NTF3: variants seen among roughly 807,000 people sequenced by gnomAD.
NTF3 encodes the protein neurotrophin 3.
In NTF3, 8 loss-of-function variants were observed where a neutral mutation model predicts 26.3. The ratio of observed to expected loss-of-function variants is 0.30; its 90% CI spans 0.18 to 0.55. The LOEUF (loss-of-function observed/expected upper bound fraction) is 0.55, where lower values mean the gene tolerates loss of function less well. Ranked by LOEUF, NTF3 falls within the 20% of genes least tolerant of loss-of-function variation. NTF3 has a pLI of 0.93. For synonymous variants in NTF3, 154 were observed against 145.5 expected (o/e 1.06, Z -0.42); for missense variants, 276 against 352.9 (o/e 0.78, Z 1.75).
At chr12:5,443,444 G>C (rs1486846106) in intron 1 of NTF3, among the ~76,000 whole-genome samples, 3 of 152,156 alleles carry the variant, frequency 2.0e-5, no homozygotes, top group African/African-American at 7.2e-5. Context: ...TTCCCCAGGG[G>C]AGTTTTGGGT....
At chr12:5,470,716 C>G (rs1718000753) in intron 1 of NTF3, among the ~76,000 whole-genome samples, 2 of 152,208 alleles carry the variant, frequency 1.3e-5, no homozygotes, top group Admixed American at 1.3e-4. Context: ...TCTCCTTCCC[C>G]TCTGCTCGGC....
At chr12:5,439,474 C>A (rs1254326089) in intron 1 of NTF3, among the ~76,000 whole-genome samples, 1 of 152,126 alleles carries the variant, frequency 6.6e-6, no homozygotes, top group Non-Finnish European at 1.5e-5. Flanking sequence ...AGTTGGTCAC[C>A]CCATAGGGTA....
At chr12:5,430,571 G>T (rs1940071994), upstream of NTF3, among the ~76,000 whole-genome samples, 1 of 151,580 alleles carries the variant, frequency 6.6e-6, no homozygotes, top group Admixed American at 6.6e-5. Flanking sequence ...TATCTAGTAC[G>T]CAGCCCCCAG....
At chr12:5,478,899 T>G (rs570267868) in intron 1 of NTF3, among the ~76,000 whole-genome samples, 1 of 152,328 alleles carries the variant, frequency 6.6e-6, no homozygotes, top group Non-Finnish European at 1.5e-5. Context: ...CAATGTTGGA[T>G]TCCAGCTGAT....
At chr12:5,493,532 G>C (rs1034665695) in intron 1 of NTF3, among the ~76,000 whole-genome samples, 1 of 152,136 alleles carries the variant, frequency 6.6e-6, no homozygotes, top group Admixed American at 6.5e-5. Context: ...TTGGTGATGC[G>C]TATGTATCAG....
At chr12:5,474,404 A>G (rs951550012) in intron 1 of NTF3, among the ~76,000 whole-genome samples, 2 of 152,184 alleles carry the variant, frequency 1.3e-5, no homozygotes, top group African/African-American at 4.8e-5. Flanking sequence ...GAAAGGGAGA[A>G]ATTGCCTTCC....
At chr12:5,472,691 C>G (rs1037565555) in intron 1 of NTF3, among the ~76,000 whole-genome samples, 1 of 152,184 alleles carries the variant, frequency 6.6e-6, no homozygotes, top group South Asian at 2.1e-4. Flanking sequence ...GCTGGTCTCT[C>G]TTCTCATTTG....
intron 1 of NTF3, among the ~76,000 whole-genome samples, chr12:5,463,631 T>A (rs1398385650): frequency 6.6e-6 from 1 of 152,074 alleles, no homozygotes; most frequent in Non-Finnish European, 1.5e-5. Flanking sequence ...AAGGATGGAT[T>A]TATGTAAAGG....
chr12:5,491,405 CA>C (rs1481182784), intron 1 of NTF3, among the ~76,000 whole-genome samples: 1 of 152,156 alleles, frequency 6.6e-6, no homozygotes, highest in Non-Finnish European at 1.5e-5. Flanking sequence ...CTACTTATTA[CA>C]AAGTATCATG....
chr12:5,467,086 C>T (rs1469095757), intron 1 of NTF3, among the ~76,000 whole-genome samples: 27 of 151,800 alleles, frequency 1.8e-4, no homozygotes, highest in Admixed American at 1.8e-3. Context: ...AAAAATTAGC[C>T]AGGCGTACTG....
At chr12:5,473,625 G>A (rs918922545) in intron 1 of NTF3, among the ~76,000 whole-genome samples, 1 of 152,216 alleles carries the variant, frequency 6.6e-6, no homozygotes, top group Admixed American at 6.5e-5. Context: ...TCTAGTAGGT[G>A]GAGTGTGAGA....
chr12:5,440,767 CA>C (rs1472713472), intron 1 of NTF3, among the ~76,000 whole-genome samples: 1 of 152,228 alleles, frequency 6.6e-6, no homozygotes, highest in Non-Finnish European at 1.5e-5. Flanking sequence ...TAGAGGGTCA[CA>C]AGGACCCTAC....
At chr12:5,437,687 G>A (rs117653207) in intron 1 of NTF3, among the ~76,000 whole-genome samples, 4 of 152,164 alleles carry the variant, frequency 2.6e-5, no homozygotes, top group Admixed American at 2.0e-4. Context: ...AGTTTCTGGC[G>A]TTGGGGATGT....
At chr12:5,484,899 G>T (rs1482928821) in intron 1 of NTF3, among the ~76,000 whole-genome samples, 1 of 152,192 alleles carries the variant, frequency 6.6e-6, no homozygotes, top group East Asian at 1.9e-4. Flanking sequence ...GGCAGAGTTG[G>T]TTTTTATTAA....
At chr12:5,488,290 G>T (rs1591608197) in intron 1 of NTF3, among the ~76,000 whole-genome samples, 1 of 152,250 alleles carries the variant, frequency 6.6e-6, no homozygotes, top group East Asian at 1.9e-4. Context: ...AACCCCCACG[G>T]GTGCTTCAGC....
intron 1 of NTF3, among the ~76,000 whole-genome samples, chr12:5,491,725 T>C (rs1342110859): frequency 3.5e-5 from 5 of 143,896 alleles, no homozygotes; most frequent in African/African-American, 1.0e-4. Context: ...TCTTTTTTTT[T>C]TTTTTTTTTT....
intron 1 of NTF3, among the ~76,000 whole-genome samples, chr12:5,487,938 A>C (rs1940887205): frequency 1.3e-5 from 2 of 152,166 alleles, no homozygotes; most frequent in African/African-American, 4.8e-5. Context: ...TTTGGGGACC[A>C]TCTCTGGCCT....
rs182673452 is a variant in NTF3, at chr12:5,472,718, G to A, written c.19-21476G>A. On this transcript the variant is annotated intron_variant, in intron 1 of 1. Coordinates refer to ENST00000423158, the MANE Select transcript of NTF3 (RefSeq NM_001102654.2). ...TCTCATTTGCAACTGTCTTCTCCCC[G>A]CTGGGCTCAGTGTTCCTGGGAGGGT... Among the ~76,000 whole-genome samples the A allele has an allele frequency of 4.2e-4, 64 of 152,252 alleles. No homozygotes were observed. The East Asian group carries it at 0.011, about 27-fold the overall frequency.
chr12:5,443,919 T>C (rs1940271627), intron 1 of NTF3, among the ~76,000 whole-genome samples: 1 of 152,116 alleles, frequency 6.6e-6, no homozygotes, highest in African/African-American at 2.4e-5. Context: ...GAGAGAAAGA[T>C]ATTTTAGACT....
Sources: gnomAD v4.1 joint callset for allele counts (sites outside exome capture counted in the v4.1 genomes callset) on GRCh38, gnomAD v4.1.1 for gene constraint, MANE v1.5 for transcripts, NCBI Gene and HGNC (gene_info 2026-07-23, HGNC 2026-07-21) for gene names.